The following EXOC4 variants were observed in gnomAD, a reference collection of about 807,000 sequenced individuals.
EXOC4 encodes the protein exocyst complex component 4, also known as SEC8-like 1.
In EXOC4, 71 loss-of-function variants were observed where a neutral mutation model predicts 107.2. The ratio of observed to expected loss-of-function variants is 0.66; its 90% CI spans 0.55 to 0.81. The LOEUF is 0.81. Among genes scored for constraint, EXOC4 ranks in the 30% least tolerant of loss-of-function variants. The pLI, the probability that EXOC4 is intolerant of heterozygous loss-of-function variation, is 0.00. For missense variants in EXOC4, 1,108 were observed against 1,189.6 expected (o/e 0.93, Z 1.01); for synonymous variants, 456 against 441.2 (o/e 1.03, Z -0.42).
intron 14 of EXOC4, among the ~76,000 whole-genome samples, chr7:133,949,650 C>T (rs1179801801): frequency 6.6e-6 from 1 of 152,226 alleles, no homozygotes; most frequent in African/African-American, 2.4e-5. Flanking sequence ...AATAACCTTT[C>T]ACTGTGGATG....
chr7:133,888,421 G>A (rs527927877), intron 11 of EXOC4, among the ~76,000 whole-genome samples: 11 of 152,150 alleles, frequency 7.2e-5, no homozygotes, highest in Admixed American at 1.3e-4. Flanking sequence ...GTTATTGACC[G>A]AAGGATTCCA....
chr7:133,633,288 G>A (rs1024826734), intron 10 of EXOC4, among the ~76,000 whole-genome samples: 3 of 152,114 alleles, frequency 2.0e-5, no homozygotes, highest in African/African-American at 7.2e-5. Flanking sequence ...TTACTCAGCA[G>A]TTCCCTCTCC....
At chr7:133,402,376 C>T (rs1797110063) in intron 7 of EXOC4, among the ~76,000 whole-genome samples, 1 of 152,232 alleles carries the variant, frequency 6.6e-6, no homozygotes. Flanking sequence ...GGACAAGTCT[C>T]CTAATTCGGT....
chr7:133,597,780 G>C (rs1332001467), intron 9 of EXOC4, among the ~76,000 whole-genome samples: 1 of 152,028 alleles, frequency 6.6e-6, no homozygotes, highest in African/African-American at 2.4e-5. Context: ...GGAGGCTGAG[G>C]TGGGCAGATC....
At chr7:133,771,588 C>T (rs546458007) in intron 10 of EXOC4, 5 of 151,880 alleles carry the variant, frequency 3.3e-5, no homozygotes, top group East Asian at 3.9e-4. Context: ...AATTGCAATC[C>T]GTGGTATGGC....
chr7:133,324,909 A>G (rs887888893), intron 5 of EXOC4, among the ~76,000 whole-genome samples: 1 of 152,142 alleles, frequency 6.6e-6, no homozygotes, highest in Non-Finnish European at 1.5e-5. Context: ...TTGGGTGGAT[A>G]TATGTTTAGG....
chr7:133,909,408 G>A (rs1337456352), intron 12 of EXOC4, among the ~76,000 whole-genome samples: 2 of 152,280 alleles, frequency 1.3e-5, no homozygotes, highest in Non-Finnish European at 2.9e-5. Flanking sequence ...GGAAGACGCC[G>A]CAGAGGACGT....
intron 1 of EXOC4, among the ~76,000 whole-genome samples, chr7:133,263,371 A>ATT (rs1793625514): frequency 1.5e-5 from 2 of 131,640 alleles, no homozygotes; most frequent in African/African-American, 2.9e-5. Context: ...TTAAAAAAGC[A>ATT]TTCTTTTTTT....
chr7:133,459,950 T>A (rs1584934064), intron 7 of EXOC4, among the ~76,000 whole-genome samples: 1 of 152,188 alleles, frequency 6.6e-6, no homozygotes, highest in East Asian at 1.9e-4. Context: ...AAAGAATTAT[T>A]TGGGAAAAAA....
intron 14 of EXOC4, among the ~76,000 whole-genome samples, chr7:133,986,097 T>A (rs1281418513): frequency 6.6e-6 from 1 of 152,250 alleles, no homozygotes; most frequent in Non-Finnish European, 1.5e-5. Flanking sequence ...TGTGTATGCA[T>A]GCATAGGACC....
At chr7:133,664,421 T>C (rs1324393522) in intron 10 of EXOC4, among the ~76,000 whole-genome samples, 1 of 152,068 alleles carries the variant, frequency 6.6e-6, no homozygotes, top group Non-Finnish European at 1.5e-5. Flanking sequence ...GGTATGTCAG[T>C]GTATGTTGGT....
chr7:133,841,507 T>A (rs534866308), intron 11 of EXOC4, among the ~76,000 whole-genome samples: 1 of 152,076 alleles, frequency 6.6e-6, no homozygotes, highest in East Asian at 1.9e-4. Context: ...CTGCTGCAGC[T>A]TTTTTTTCCT....
At chr7:133,465,019 G>A (rs1409920774) in intron 7 of EXOC4, among the ~76,000 whole-genome samples, 5 of 151,448 alleles carry the variant, frequency 3.3e-5, no homozygotes, top group Non-Finnish European at 7.4e-5. Context: ...CGGCCTCACT[G>A]CTGTTACCCA....
intron 7 of EXOC4, among the ~76,000 whole-genome samples, chr7:133,446,115 CCT>C (rs1290313139): frequency 3.3e-5 from 5 of 151,646 alleles, no homozygotes; most frequent in African/African-American, 1.2e-4. Flanking sequence ...CAGAGTCCTT[CCT>C]CTTTCTTGTG....
chr7:133,330,954 A>G (rs1477985161), intron 5 of EXOC4, among the ~76,000 whole-genome samples: 2 of 151,182 alleles, frequency 1.3e-5, no homozygotes, highest in Non-Finnish European at 2.9e-5. Context: ...TTTTTTTTTA[A>G]ATAATAGTTT....
chr7:133,782,472 A>T (rs1430049976), intron 10 of EXOC4, among the ~76,000 whole-genome samples: 1 of 152,176 alleles, frequency 6.6e-6, no homozygotes, highest in Non-Finnish European at 1.5e-5. Context: ...CTGCATGTTG[A>T]TTTTACTAGG....
intron 13 of EXOC4, among the ~76,000 whole-genome samples, chr7:133,928,716 A>C (rs1298005293): frequency 1.3e-5 from 2 of 152,032 alleles, no homozygotes; most frequent in Non-Finnish European, 2.9e-5. Flanking sequence ...AATATGGATA[A>C]ACCTACACAG....
chr7:133,745,689 G>C (rs1463802918), intron 10 of EXOC4, among the ~76,000 whole-genome samples: 1 of 145,248 alleles, frequency 6.9e-6, no homozygotes, highest in African/African-American at 2.5e-5. Flanking sequence ...GTTTATTTTA[G>C]AACTATTGCC....
chr7:133,367,424 A>G (rs905010967), intron 6 of EXOC4, among the ~76,000 whole-genome samples: 2 of 152,150 alleles, frequency 1.3e-5, no homozygotes, highest in Admixed American at 6.5e-5. Flanking sequence ...ATTTGATTAG[A>G]GGCCAAAGTG....
Sources: gnomAD v4.1 joint callset for allele counts (sites outside exome capture counted in the v4.1 genomes callset) on GRCh38, gnomAD v4.1.1 for gene constraint, MANE v1.5 for transcripts, NCBI Gene and HGNC (gene_info 2026-07-23, HGNC 2026-07-21) for gene names.